The following SUMF1 variants were observed in gnomAD, a reference collection of about 807,000 sequenced individuals.
The protein encoded by SUMF1 is formylglycine-generating enzyme.
A neutral mutation model predicts 47.6 loss-of-function variants in SUMF1; 48 were observed. The observed-to-expected ratio is 1.01, with a 90% CI of 0.80 to 1.28. SUMF1 has a LOEUF of 1.28. Ranked by LOEUF, SUMF1 falls within the 50% of genes most tolerant of loss-of-function variation. The pLI is 0.00. For synonymous variants in SUMF1, 230 were observed against 192.1 expected (o/e 1.20, Z -1.63); for missense variants, 571 against 485.4 (o/e 1.18, Z -1.66).
intron 8 of SUMF1, among the ~76,000 whole-genome samples, chr3:4,288,098 T>G (rs1301551374): frequency 6.6e-6 from 1 of 152,196 alleles, no homozygotes; most frequent in Non-Finnish European, 1.5e-5. Flanking sequence ...AATCTAGGTC[T>G]ATGACCATTT....
intron 8 of SUMF1, among the ~76,000 whole-genome samples, chr3:4,269,356 GA>G (rs1400472818): frequency 6.6e-6 from 1 of 152,124 alleles, no homozygotes; most frequent in Non-Finnish European, 1.5e-5. Flanking sequence ...TTGTATCTCA[GA>G]AATGTTTGCG....
chr3:4,345,714 A>G (rs1371137730), intron 8 of SUMF1, among the ~76,000 whole-genome samples: 6 of 152,072 alleles, frequency 3.9e-5, no homozygotes, highest in African/African-American at 1.4e-4. Context: ...TGGGCTAAAT[A>G]CCCCAGTTAA....
intron 8 of SUMF1, among the ~76,000 whole-genome samples, chr3:4,269,528 A>T (rs1697264230): frequency 6.6e-6 from 1 of 152,206 alleles, no homozygotes; most frequent in Non-Finnish European, 1.5e-5. Flanking sequence ...AACAATCTTA[A>T]CCAAAGTGCC....
At chr3:4,098,710 C>G (rs371717502) in intron 8 of SUMF1, among the ~76,000 whole-genome samples, 1 of 152,078 alleles carries the variant, frequency 6.6e-6, no homozygotes, top group Non-Finnish European at 1.5e-5. Flanking sequence ...ACTTTGAAAC[C>G]TTTGGGATGT....
At chr3:4,083,377 T>A (rs1054591773) in intron 8 of SUMF1, among the ~76,000 whole-genome samples, 5 of 152,106 alleles carry the variant, frequency 3.3e-5, no homozygotes, top group African/African-American at 1.2e-4. Context: ...AAACCCTGAA[T>A]CCTGATCACC....
chr3:4,408,476 G>C (rs1471663217), intron 7 of SUMF1, among the ~76,000 whole-genome samples: 1 of 152,124 alleles, frequency 6.6e-6, no homozygotes, highest in Non-Finnish European at 1.5e-5. Flanking sequence ...AAAAGATGTG[G>C]CTAGAGGGAT....
At chr3:4,462,742 G>A (rs1308423293) in intron 1 of SUMF1, among the ~76,000 whole-genome samples, 2 of 152,188 alleles carry the variant, frequency 1.3e-5, no homozygotes, top group African/African-American at 4.8e-5. Context: ...AAAGCTGGGT[G>A]AATAAGAGAA....
chr3:4,420,397 ATTTT>A (rs35849841), intron 3 of SUMF1, among the ~76,000 whole-genome samples: 5 of 140,830 alleles, frequency 3.6e-5, no homozygotes, highest in African/African-American at 1.3e-4. Context: ...ATCTATAAGA[ATTTT>A]TTTTTTTTTT....
At chr3:4,168,303 T>G (rs2125120990) in intron 8 of SUMF1, among the ~76,000 whole-genome samples, 1 of 152,294 alleles carries the variant, frequency 6.6e-6, no homozygotes, top group African/African-American at 2.4e-5. Context: ...TTCAATTTAA[T>G]TGTGTCTCTA....
chr3:4,207,309 A>G (rs1475948663), intron 8 of SUMF1, among the ~76,000 whole-genome samples: 6 of 152,144 alleles, frequency 3.9e-5, no homozygotes, highest in Non-Finnish European at 5.9e-5. Flanking sequence ...TTCAATATGC[A>G]TATCTTTAAT....
chr3:4,120,638 A>G (rs1204984303), intron 8 of SUMF1, among the ~76,000 whole-genome samples: 2 of 152,062 alleles, frequency 1.3e-5, no homozygotes, highest in African/African-American at 2.4e-5. Context: ...CACCACAGAT[A>G]TCAGATAGAG....
intron 8 of SUMF1, among the ~76,000 whole-genome samples, chr3:4,111,086 TG>T (rs1312066076): frequency 3.3e-5 from 5 of 151,148 alleles, no homozygotes; most frequent in Non-Finnish European, 7.4e-5. Context: ...TTTAATGAAA[TG>T]ATTAAGAAAG....
At chr3:4,300,997 C>A (rs1465821210) in intron 8 of SUMF1, among the ~76,000 whole-genome samples, 3 of 90,768 alleles carry the variant, frequency 3.3e-5, no homozygotes, top group African/African-American at 1.4e-4. Flanking sequence ...CTATCTATCT[C>A]CCCACCCTCC....
intron 8 of SUMF1, among the ~76,000 whole-genome samples, chr3:4,172,097 G>C (rs1694844308): frequency 6.6e-6 from 1 of 152,168 alleles, no homozygotes. Flanking sequence ...AAATAAGACA[G>C]TAGCCAATGC....
chr3:4,210,276 A>T (rs1695751553), intron 8 of SUMF1, among the ~76,000 whole-genome samples: 1 of 152,294 alleles, frequency 6.6e-6, no homozygotes, highest in East Asian at 1.9e-4. Flanking sequence ...ATTCCAGCAG[A>T]CATTTTCTAC....
In SUMF1 at chr3:4,193,090, G is replaced by C. The variant is rs761820136; in HGVS notation, c.1015-124345C>G. On this transcript the variant is annotated intron_variant and NMD_transcript_variant, in intron 8 of 12. Transcript: ENST00000448413. ...CCATATAATTGTCTATTGCAGCACT[G>C]TCCAATAATCATTTCTGCAATGATC... 2.6e-5 allele frequency among the ~76,000 whole-genome samples: 4 copies of C among 152,148 alleles called. No individual in the cohort carries two copies. The South Asian group carries it at 6.2e-4, about 24-fold the overall frequency.
At chr3:4,072,481 G>C (rs1052779522) in intron 8 of SUMF1, among the ~76,000 whole-genome samples, 1 of 152,160 alleles carries the variant, frequency 6.6e-6, no homozygotes, top group African/African-American at 2.4e-5. Context: ...TAGAGAATGA[G>C]TTTGACAAGT....
chr3:4,201,633 ATTTCC>A (rs1271876033), intron 8 of SUMF1, among the ~76,000 whole-genome samples: 1 of 151,230 alleles, frequency 6.6e-6, no homozygotes, highest in East Asian at 2.0e-4. Flanking sequence ...CAATACACTG[ATTTCC>A]TTTCTTTTGG....
intron 8 of SUMF1, among the ~76,000 whole-genome samples, chr3:4,086,871 C>T (rs1196594624): frequency 1.3e-5 from 2 of 152,168 alleles, no homozygotes; most frequent in Middle Eastern, 3.4e-3. Flanking sequence ...TTGTCTGCTG[C>T]CACATAAGAC....
Sources: gnomAD v4.1 joint callset for allele counts (sites outside exome capture counted in the v4.1 genomes callset) on GRCh38, gnomAD v4.1.1 for gene constraint, MANE v1.5 for transcripts, NCBI Gene and HGNC (gene_info 2026-07-23, HGNC 2026-07-21) for gene names.